The following COL4A5 variants were observed in gnomAD, a reference collection of about 807,000 sequenced individuals.
COL4A5 encodes the protein collagen type IV alpha 5 chain.
In COL4A5, 26 loss-of-function variants were observed where a neutral mutation model predicts 130.2. The ratio of observed to expected loss-of-function variants is 0.20; its 90% CI spans 0.15 to 0.28. The LOEUF (loss-of-function observed/expected upper bound fraction) is 0.28, where lower values mean the gene tolerates loss of function less well. Ranked by LOEUF, COL4A5 falls within the 10% of genes least tolerant of loss-of-function variation. The pLI, the probability that COL4A5 is intolerant of heterozygous loss-of-function variation, is 1.00. For missense variants in COL4A5, 1,131 were observed against 1,344.3 expected, an observed-to-expected ratio of 0.84 and a Z score of 2.48; for synonymous variants, 496 against 439.6, an observed-to-expected ratio of 1.13 and a Z score of -1.60.
At chrX:108,644,585 G>A (rs138743904) in intron 36 of COL4A5, among the ~76,000 whole-genome samples, 6 of 111,770 alleles carry the variant, frequency 5.4e-5, no homozygotes, top group African/African-American at 1.9e-4. Context: ...AAAGGAATCT[G>A]CAAATACATG....
At chrX:108,596,411 A>C (rs1168216063) in intron 22 of COL4A5, among the ~76,000 whole-genome samples, 1 of 112,409 alleles carries the variant, frequency 8.9e-6, no homozygotes, top group African/African-American at 3.2e-5. Context: ...CTGATTCAGT[A>C]GACCTGGATG....
intron 1 of COL4A5, among the ~76,000 whole-genome samples, chrX:108,532,470 T>G (rs1374515548): frequency 9.0e-6 from 1 of 111,578 alleles, no homozygotes; most frequent in Non-Finnish European, 1.9e-5. Flanking sequence ...ACTGCAAACA[T>G]CATATTAAAT....
chrX:108,598,656 AGTT>A, intron 24 of COL4A5, 43 bp from the exon 25 acceptor site: 1 of 1,112,413 alleles, frequency 9.0e-7, no homozygotes. Context: ...ACCTACAGAT[AGTT>A]GTTGTATCTA....
intron 37 of COL4A5, among the ~76,000 whole-genome samples, chrX:108,663,510 A>G (rs903995737): frequency 3.9e-4 from 43 of 111,524 alleles, no homozygotes; most frequent in African/African-American, 1.4e-3. Context: ...TCTCACTGAC[A>G]TGTGGGAGCT....
chrX:108,582,695 CTTTTTT>C, intron 16 of COL4A5, 183 bp from the exon 17 acceptor site: 47 of 248,005 alleles, frequency 1.9e-4, no homozygotes, highest in Middle Eastern at 1.0e-3. Context: ...CAAGATTCAG[CTTTTTT>C]TTTTTTTTTT....
chrX:108,628,383 T>C (rs1315817904), intron 36 of COL4A5, among the ~76,000 whole-genome samples: 1 of 111,477 alleles, frequency 9.0e-6, no homozygotes, highest in African/African-American at 3.2e-5. Context: ...TACACCTTTA[T>C]ACTTTCATGA....
chrX:108,543,975 C>G (rs894439143), intron 2 of COL4A5, among the ~76,000 whole-genome samples: 2 of 112,097 alleles, frequency 1.8e-5, no homozygotes, highest in Admixed American at 9.5e-5. Context: ...TGAGACTTTG[C>G]TGAAGTTGCT....
intron 1 of COL4A5, among the ~76,000 whole-genome samples, chrX:108,535,087 T>C (rs2065438034): frequency 9.0e-6 from 1 of 111,398 alleles, no homozygotes; most frequent in African/African-American, 3.3e-5. Flanking sequence ...TCTTCAGCTC[T>C]ATCTAGTCTG....
At position 108,573,437 on chromosome X, in the gene COL4A5, T is replaced by C. The variant is rs550986031; in HGVS notation, c.466-137T>C. ...CATTTTCCTTTAAAAGGTAAACTTA[T>C]CATTTTTATTACTGAGATGGCCTAA... On this transcript the variant is annotated intron_variant, in intron 8 of 52. Transcript: ENST00000328300. The C allele has an allele frequency of 2.4e-3, 1,310 of 536,813 alleles. 7 individuals are homozygous for C. The South Asian group carries it at 0.025, about 10-fold the overall frequency. The allele number at this position is 536,813 out of a possible 1,213,427, so 44.2% of individuals were successfully genotyped here. A position where few individuals can be genotyped will look rare whatever the true frequency, so the allele number is the denominator to read the frequency against.
intron 1 of COL4A5, among the ~76,000 whole-genome samples, chrX:108,521,867 T>G (rs1226373107): frequency 1.8e-5 from 2 of 111,385 alleles, no homozygotes; most frequent in African/African-American, 6.5e-5. Flanking sequence ...CTCAGTAATT[T>G]TAGAATATTT....
chrX:108,632,100 A>G (rs1165359234), intron 36 of COL4A5, among the ~76,000 whole-genome samples: 1 of 111,608 alleles, frequency 9.0e-6, no homozygotes, highest in African/African-American at 3.3e-5. Context: ...TAAAGAAGAA[A>G]AGAGAGAAGA....
chrX:108,479,125 TGG>T (rs1426386711), intron 1 of COL4A5, among the ~76,000 whole-genome samples: 1 of 112,446 alleles, frequency 8.9e-6, no homozygotes, highest in African/African-American at 3.2e-5. Context: ...GTCCACAGAA[TGG>T]GTCATTCTAT....
chrX:108,474,345 A>G (rs772226781), intron 1 of COL4A5, among the ~76,000 whole-genome samples: 1 of 112,073 alleles, frequency 8.9e-6, no homozygotes, highest in Non-Finnish European at 1.9e-5. Flanking sequence ...AGATATTTCT[A>G]GATACATACT....
At chrX:108,602,412 T>C (rs981331254) in intron 27 of COL4A5, among the ~76,000 whole-genome samples, 30 of 112,448 alleles carry the variant, frequency 2.7e-4, no homozygotes, top group African/African-American at 9.4e-4. Context: ...TTTATTGAAA[T>C]TTTTAGGGCT....
chrX:108,610,495 C>T (rs1016789875), intron 29 of COL4A5, among the ~76,000 whole-genome samples: 1 of 111,951 alleles, frequency 8.9e-6, no homozygotes, highest in Admixed American at 9.5e-5. Context: ...CTCAAAGTTA[C>T]AAGTTGTGTT....
intron 47 of COL4A5, among the ~76,000 whole-genome samples, chrX:108,684,843 G>A (rs376182339): frequency 2.0e-4 from 22 of 112,343 alleles, no homozygotes; most frequent in African/African-American, 6.8e-4. Flanking sequence ...ACATCAATGC[G>A]AAAATCCTCA....
At chrX:108,570,851 T>C (rs2066053412) in intron 6 of COL4A5, among the ~76,000 whole-genome samples, 1 of 111,990 alleles carries the variant, frequency 8.9e-6, no homozygotes, top group Non-Finnish European at 1.9e-5. Context: ...GCTTTTGTTT[T>C]CTAAACCAAG....
intron 1 of COL4A5, among the ~76,000 whole-genome samples, chrX:108,534,601 G>A (rs752639919): frequency 9.0e-6 from 1 of 111,103 alleles, no homozygotes; most frequent in African/African-American, 3.3e-5. Flanking sequence ...GTGTCAAGGA[G>A]GGGGAGGATG....
intron 29 of COL4A5, among the ~76,000 whole-genome samples, chrX:108,608,296 A>G (rs771472664): frequency 6.1e-4 from 68 of 111,677 alleles, no homozygotes; most frequent in Middle Eastern, 4.7e-3. Context: ...TTATTGTTAA[A>G]AAATTTTAAG....
Sources: gnomAD v4.1 joint callset for allele counts (sites outside exome capture counted in the v4.1 genomes callset) on GRCh38, gnomAD v4.1.1 for gene constraint, MANE v1.5 for transcripts, NCBI Gene and HGNC (gene_info 2026-07-23, HGNC 2026-07-21) for gene names.